The following C10orf90 variants were observed in gnomAD, a reference collection of about 807,000 sequenced individuals.
C10orf90 encodes the protein (E2-independent) E3 ubiquitin-conjugating enzyme FATS.
A neutral mutation model predicts 62.5 loss-of-function variants in C10orf90; 56 were observed. The ratio of observed to expected loss-of-function variants is 0.90; its 90% CI spans 0.72 to 1.12. C10orf90 has a LOEUF of 1.12. Among genes scored for constraint, C10orf90 ranks in the 50% most tolerant of loss-of-function variants. The probability of loss-of-function intolerance (pLI) is 0.00; values close to 1 mark genes in which losing one functional copy is unlikely to be tolerated. For synonymous variants in C10orf90, 386 were observed against 340.4 expected (o/e 1.13, Z -1.47); for missense variants, 970 against 880.4 (o/e 1.10, Z -1.29).
At chr10:126,527,143 C>A (rs1226206431) in intron 2 of C10orf90, among the ~76,000 whole-genome samples, 1 of 152,184 alleles carries the variant, frequency 6.6e-6, no homozygotes, top group Non-Finnish European at 1.5e-5. Context: ...AATTGCCAGA[C>A]TGTTTCCCAA....
At chr10:126,578,400 A>G (rs1172629735) in intron 2 of C10orf90, among the ~76,000 whole-genome samples, 1 of 152,204 alleles carries the variant, frequency 6.6e-6, no homozygotes, top group Non-Finnish European at 1.5e-5. Flanking sequence ...CACATTAATC[A>G]TCAGGGCAAA....
intron 2 of C10orf90, among the ~76,000 whole-genome samples, chr10:126,560,903 T>G (rs1447823335): frequency 1.9e-4 from 29 of 152,378 alleles, no homozygotes; most frequent in Non-Finnish European, 1.2e-4. Flanking sequence ...TAATCCATTT[T>G]AAATGTAGAA....
At chr10:126,644,039 G>T (rs751107582) in intron 2 of C10orf90, among the ~76,000 whole-genome samples, 8 of 152,256 alleles carry the variant, frequency 5.3e-5, no homozygotes, top group Admixed American at 2.0e-4. Flanking sequence ...CCTCACCCTT[G>T]GCCTGTTTTA....
At chr10:126,610,827 GGA>G (rs1239729787) in intron 2 of C10orf90, among the ~76,000 whole-genome samples, 6 of 152,130 alleles carry the variant, frequency 3.9e-5, no homozygotes, top group Non-Finnish European at 8.8e-5. Context: ...TTAGCAGAGA[GGA>G]GAGCTCAAAT....
intron 7 of C10orf90, among the ~76,000 whole-genome samples, chr10:126,455,284 C>G (rs1027340147): frequency 6.6e-6 from 1 of 152,202 alleles, no homozygotes; most frequent in African/African-American, 2.4e-5. Context: ...CTGCATGTCC[C>G]CAGCCTCCTT....
intron 2 of C10orf90, among the ~76,000 whole-genome samples, chr10:126,534,825 G>T (rs941327197): frequency 6.6e-6 from 1 of 152,172 alleles, no homozygotes; most frequent in African/African-American, 2.4e-5. Context: ...TGGGAAGATG[G>T]TGCTGCCTTT....
At chr10:126,644,812 G>A (rs1194187067) in intron 2 of C10orf90, among the ~76,000 whole-genome samples, 2 of 152,138 alleles carry the variant, frequency 1.3e-5, no homozygotes, top group African/African-American at 4.8e-5. Flanking sequence ...GGAAAACATG[G>A]CACTCTTCTC....
At chr10:126,568,518 G>A (rs142161161) in intron 2 of C10orf90, among the ~76,000 whole-genome samples, 1 of 152,182 alleles carries the variant, frequency 6.6e-6, no homozygotes, top group Non-Finnish European at 1.5e-5. Context: ...CCTTTTCATG[G>A]GCTCACTGGT....
intron 9 of C10orf90, 40 bp from the exon 10 acceptor site, chr10:126,425,942 G>C: frequency 1.2e-6 from 2 of 1,613,798 alleles, no homozygotes; most frequent in Non-Finnish European, 1.7e-6. Flanking sequence ...GTTGAGATTC[G>C]GCATCTGTGC....
chr10:126,604,044 G>C (rs192081582), intron 2 of C10orf90, among the ~76,000 whole-genome samples: 28 of 152,346 alleles, frequency 1.8e-4, no homozygotes, highest in Middle Eastern at 6.8e-3. Flanking sequence ...CGGAAGGGAT[G>C]GTTGTGTTCA....
At chr10:126,535,980 A>G (rs1024735958) in intron 2 of C10orf90, among the ~76,000 whole-genome samples, 4 of 152,110 alleles carry the variant, frequency 2.6e-5, no homozygotes, top group Admixed American at 6.5e-5. Flanking sequence ...TGTGCACTGA[A>G]GTTTTTTTCC....
intron 2 of C10orf90, among the ~76,000 whole-genome samples, chr10:126,628,831 T>A (rs1845797965): frequency 6.6e-6 from 1 of 152,188 alleles, no homozygotes. Context: ...TGTTCCTCAC[T>A]GGCAGGAGTG....
chr10:126,506,022 A>G (rs1485660853), intron 3 of C10orf90, among the ~76,000 whole-genome samples: 1 of 152,202 alleles, frequency 6.6e-6, no homozygotes, highest in African/African-American at 2.4e-5. Flanking sequence ...CCAGACCAAC[A>G]CTATGGCAAT....
intron 3 of C10orf90, among the ~76,000 whole-genome samples, chr10:126,507,920 T>G (rs1335171039): frequency 6.6e-6 from 1 of 152,144 alleles, no homozygotes; most frequent in Non-Finnish European, 1.5e-5. Flanking sequence ...CCTATTTCAC[T>G]TGGTACACAT....
At chr10:126,502,102 ACC>A (rs1862436070) in intron 4 of C10orf90, among the ~76,000 whole-genome samples, 1 of 128,006 alleles carries the variant, frequency 7.8e-6, no homozygotes, top group Non-Finnish European at 1.6e-5. Context: ...CCACACACAC[ACC>A]ACACACACAC....
chr10:126,449,647 A>C (rs1859040224), intron 7 of C10orf90, among the ~76,000 whole-genome samples: 1 of 152,210 alleles, frequency 6.6e-6, no homozygotes, highest in Non-Finnish European at 1.5e-5. Flanking sequence ...ACTCCACCAC[A>C]AAACAGAAAT....
intron 2 of C10orf90, among the ~76,000 whole-genome samples, chr10:126,644,442 C>T (rs1436789): frequency 0.39 from 59,189 of 152,164 alleles, 12,689 homozygotes; most frequent in Non-Finnish European, 0.47. Context: ...TGCTGGGAAG[C>T]GTGAAACCCA....
intron 2 of C10orf90, among the ~76,000 whole-genome samples, chr10:126,625,010 T>A (rs575406972): frequency 6.6e-6 from 1 of 152,292 alleles, no homozygotes; most frequent in African/African-American, 2.4e-5. Flanking sequence ...TCTTGTTAAA[T>A]CACAATTGTA....
At chr10:126,621,433 G>A (rs1845642285) in intron 2 of C10orf90, among the ~76,000 whole-genome samples, 1 of 152,192 alleles carries the variant, frequency 6.6e-6, no homozygotes, top group Non-Finnish European at 1.5e-5. Context: ...GACCCTTCAT[G>A]TCAGGAACAA....
Sources: allele counts gnomAD v4.1 joint callset (sites outside exome capture counted in the v4.1 genomes callset), GRCh38; gene constraint gnomAD v4.1.1; transcripts MANE v1.5; gene names NCBI Gene and HGNC (gene_info 2026-07-23, HGNC 2026-07-21).